GRIA1: variants seen among roughly 807,000 people sequenced by gnomAD.
The protein encoded by GRIA1 is glutamate receptor 1.
GRIA1 carries 31 observed loss-of-function variants against 99.2 expected under a neutral mutation model. The observed-to-expected ratio is 0.31, with a 90% CI of 0.23 to 0.42. GRIA1 has a LOEUF of 0.42. Ranked by LOEUF, GRIA1 falls within the 10% of genes least tolerant of loss-of-function variation. GRIA1 has a pLI of 1.00. For missense variants in GRIA1, 782 were observed against 1,157.5 expected, an observed-to-expected ratio of 0.68 and a Z score of 4.71; for synonymous variants, 438 against 432.4, an observed-to-expected ratio of 1.01 and a Z score of -0.16.
At position 153,674,671 on chromosome 5, in the gene GRIA1, T is replaced by A; in HGVS notation, c.861+10T>A. 1 of 1,613,128 alleles carries A rather than the reference T, an allele frequency of 6.2e-7. No homozygotes were observed. The highest frequency in any genetic ancestry group is 8.5e-7 in the Non-Finnish European group (1 of 1,179,446). On this transcript the variant is annotated intron_variant, in intron 6 of 15. Coordinates refer to ENST00000285900, the MANE Select transcript of GRIA1 (RefSeq NM_000827.4). ...CTGGAAGAGACCCAAGGTGAGTGGA[T>A]GGGCAGCCAGCAGCAAAGGGCCAGC...
At chr5:153,752,564 T>G (rs1012381363) in intron 11 of GRIA1, among the ~76,000 whole-genome samples, 1 of 152,218 alleles carries the variant, frequency 6.6e-6, no homozygotes, top group Non-Finnish European at 1.5e-5. Flanking sequence ...TTAAATTATA[T>G]GTTTTTTAAT....
At chr5:153,527,808 G>A (rs1240008019) in intron 2 of GRIA1, among the ~76,000 whole-genome samples, 1 of 152,130 alleles carries the variant, frequency 6.6e-6, no homozygotes, top group South Asian at 2.1e-4. Context: ...GTATATCTTC[G>A]TTGGTGAAAT....
intron 2 of GRIA1, among the ~76,000 whole-genome samples, chr5:153,607,069 A>ATATATATATATATATATAAC (rs1581317931): frequency 7.7e-6 from 1 of 130,214 alleles, no homozygotes; most frequent in Non-Finnish European, 1.7e-5. Context: ...ATATATATAT[A>ATATATATATATATATATAAC]ATCACAGTTT....
In GRIA1 at chr5:153,788,058, C is replaced by T. The variant is rs866617013; in HGVS notation, c.2271-6563C>T. On this transcript the variant is annotated intron_variant, in intron 13 of 15. Transcript: ENST00000285900. ...TCATGCCACTGCACTCCAGCCTGGG[C>T]GACAGAGCAAGACTCCTTCTCAAAA... Among the ~76,000 whole-genome samples the T allele has an allele frequency of 1.5e-4, 22 of 150,160 alleles. 1 individual carries two copies. The South Asian group carries it at 2.8e-3, about 19-fold the overall frequency.
At chr5:153,527,356 G>C (rs2113408714) in intron 2 of GRIA1, among the ~76,000 whole-genome samples, 1 of 152,278 alleles carries the variant, frequency 6.6e-6, no homozygotes. Context: ...ATATTAGGCA[G>C]AACTCTTATC....
At chr5:153,684,632 A>G (rs1008144411) in intron 7 of GRIA1, among the ~76,000 whole-genome samples, 1 of 152,200 alleles carries the variant, frequency 6.6e-6, no homozygotes. Flanking sequence ...CATGGTACCC[A>G]CCAAACTAAC....
At chr5:153,778,774 A>C (rs1764444858) in intron 13 of GRIA1, among the ~76,000 whole-genome samples, 1 of 152,122 alleles carries the variant, frequency 6.6e-6, no homozygotes, top group Admixed American at 6.5e-5. Flanking sequence ...ATAAGAAAAC[A>C]GCAGAAAGCT....
intron 2 of GRIA1, among the ~76,000 whole-genome samples, chr5:153,497,424 A>G (rs530512581): frequency 6.6e-6 from 1 of 152,294 alleles, no homozygotes; most frequent in Non-Finnish European, 1.5e-5. Flanking sequence ...TCACCTATTT[A>G]TTCATTCATT....
At chr5:153,753,893 A>G (rs1022934707) in intron 11 of GRIA1, among the ~76,000 whole-genome samples, 3 of 152,170 alleles carry the variant, frequency 2.0e-5, no homozygotes, top group African/African-American at 7.2e-5. Flanking sequence ...ATAAAAAGTA[A>G]TGCTTTGTGT....
intron 9 of GRIA1, 141 bp downstream of exon 9, chr5:153,698,295 C>T (rs574536841): frequency 3.9e-6 from 2 of 515,696 alleles, no homozygotes; most frequent in African/African-American, 1.9e-5. Context: ...AAGGGAATGC[C>T]CTGAAAATGA....
At chr5:153,679,350 C>T (rs1756813337) in intron 7 of GRIA1, among the ~76,000 whole-genome samples, 1 of 152,236 alleles carries the variant, frequency 6.6e-6, no homozygotes, top group Non-Finnish European at 1.5e-5. Context: ...CAAATCGATT[C>T]ATTTTCCAAT....
At chr5:153,517,148 T>C (rs1756701766) in intron 2 of GRIA1, among the ~76,000 whole-genome samples, 1 of 152,166 alleles carries the variant, frequency 6.6e-6, no homozygotes, top group African/African-American at 2.4e-5. Context: ...TGCTCTCTGC[T>C]TTTTTCGTGG....
In GRIA1 at chr5:153,811,382, A is replaced by G; in HGVS notation, c.*157A>G. On this transcript the variant is annotated 3_prime_UTR_variant, in exon 16 of 16. Transcript: ENST00000285900. The stretch of plus-strand genomic sequence containing the variant: ...TCAACAGGTTTTCCTGAAGAATTGA[A>G]AAACCATTTTGCTGTCCCTTTTCCT... The G allele has an allele frequency of 1.6e-6, 1 of 613,146 alleles. No homozygotes were observed. The highest frequency in any genetic ancestry group is 2.9e-6 in the Non-Finnish European group (1 of 341,644). The allele number at this position is 613,146 out of a possible 1,614,324, so 38.0% of individuals were successfully genotyped here. A position where few individuals can be genotyped will look rare whatever the true frequency, so the allele number is the denominator to read the frequency against.
intron 2 of GRIA1, among the ~76,000 whole-genome samples, chr5:153,568,491 A>C (rs1581243346): frequency 6.6e-6 from 1 of 152,162 alleles, no homozygotes; most frequent in Non-Finnish European, 1.5e-5. Context: ...CGAGTGATTC[A>C]AATGGTTTTT....
intron 2 of GRIA1, among the ~76,000 whole-genome samples, chr5:153,545,575 C>T (rs952839166): frequency 5.3e-5 from 8 of 152,090 alleles, no homozygotes; most frequent in South Asian, 2.1e-4. Flanking sequence ...GCTTGGGTCC[C>T]GGGTTAGTTC....
At chr5:153,628,821 G>A (rs369363691) in intron 2 of GRIA1, among the ~76,000 whole-genome samples, 57 of 152,140 alleles carry the variant, frequency 3.7e-4, no homozygotes, top group African/African-American at 1.1e-3. Flanking sequence ...TACCTTGGAT[G>A]GTCCACTCTT....
chr5:153,505,509 G>A (rs999826907), intron 2 of GRIA1, among the ~76,000 whole-genome samples: 7 of 152,236 alleles, frequency 4.6e-5, no homozygotes, highest in Non-Finnish European at 1.0e-4. Context: ...AATACAGTAA[G>A]TAGAAGTGTC....
At chr5:153,656,990 G>T (rs1025874772) in intron 5 of GRIA1, among the ~76,000 whole-genome samples, 1 of 152,114 alleles carries the variant, frequency 6.6e-6, no homozygotes, top group African/African-American at 2.4e-5. Flanking sequence ...CTTTCACTTA[G>T]CATAACATTT....
At chr5:153,527,121 G>C (rs1757670088) in intron 2 of GRIA1, among the ~76,000 whole-genome samples, 1 of 152,186 alleles carries the variant, frequency 6.6e-6, no homozygotes, top group African/African-American at 2.4e-5. Context: ...TCGTGATGCT[G>C]ATCATAATCT....
Sources: gnomAD v4.1 joint callset for allele counts (sites outside exome capture counted in the v4.1 genomes callset) on GRCh38, gnomAD v4.1.1 for gene constraint, MANE v1.5 for transcripts, NCBI Gene and HGNC (gene_info 2026-07-23, HGNC 2026-07-21) for gene names.